OPCML: variants seen among roughly 807,000 people sequenced by gnomAD.
OPCML encodes opioid binding protein/cell adhesion molecule like.
Under a neutral mutation model 37.8 loss-of-function variants are expected in OPCML, and 13 were observed. The ratio of observed to expected loss-of-function variants is 0.34; its 90% CI spans 0.22 to 0.55. The LOEUF (loss-of-function observed/expected upper bound fraction) is 0.55, where lower values mean the gene tolerates loss of function less well. OPCML is among the 20% of genes least tolerant of loss of function. The pLI is 0.91. For missense variants in OPCML, 341 were observed against 435.6 expected (o/e 0.78, Z 1.93); for synonymous variants, 176 against 168.8 (o/e 1.04, Z -0.33).
At chr11:132,463,007 C>A (rs2096107983) in intron 4 of OPCML, among the ~76,000 whole-genome samples, 1 of 152,156 alleles carries the variant, frequency 6.6e-6, no homozygotes, top group Admixed American at 6.5e-5. Flanking sequence ...AGTGATAGAA[C>A]TTCTCCCTTA....
chr11:133,189,702 T>C (rs10894659), intron 1 of OPCML, among the ~76,000 whole-genome samples: 44,535 of 152,078 alleles, frequency 0.29, 6,928 homozygotes, highest in Middle Eastern at 0.36. Context: ...TGCTGGCCAC[T>C]TTATCACATA....
chr11:133,032,336 C>T (rs537544991), intron 1 of OPCML, among the ~76,000 whole-genome samples: 7 of 152,312 alleles, frequency 4.6e-5, no homozygotes, highest in South Asian at 2.1e-4. Context: ...CAGCACAGAA[C>T]GGTGAGGTCC....
chr11:132,710,936 G>A (rs1025500029), intron 2 of OPCML, among the ~76,000 whole-genome samples: 2 of 152,054 alleles, frequency 1.3e-5, no homozygotes, highest in African/African-American at 2.4e-5. Context: ...GGTCTGGAGA[G>A]GTTTCATAGG....
intron 2 of OPCML, among the ~76,000 whole-genome samples, chr11:132,786,543 T>C (rs1947217710): frequency 6.6e-6 from 1 of 152,196 alleles, no homozygotes; most frequent in Non-Finnish European, 1.5e-5. Context: ...CAAGTAGAGA[T>C]AATAACATTT....
intron 3 of OPCML, among the ~76,000 whole-genome samples, chr11:132,571,365 T>A (rs975722348): frequency 1.3e-5 from 2 of 152,100 alleles, no homozygotes; most frequent in South Asian, 2.1e-4. Flanking sequence ...GAGCCAACTC[T>A]CCCTAATAAA....
At chr11:132,881,872 G>C (rs553862994) in intron 2 of OPCML, among the ~76,000 whole-genome samples, 1 of 152,296 alleles carries the variant, frequency 6.6e-6, no homozygotes, top group Admixed American at 6.5e-5. Flanking sequence ...CCCTTCTCCA[G>C]ATCTGGGAAA....
At chr11:132,606,938 G>T (rs917532072) in intron 3 of OPCML, among the ~76,000 whole-genome samples, 6 of 152,142 alleles carry the variant, frequency 3.9e-5, no homozygotes, top group Non-Finnish European at 7.3e-5. Context: ...TGTAGAAATT[G>T]CTTCCCAGGG....
At chr11:133,484,270 T>C (rs930606520) in intron 1 of OPCML, among the ~76,000 whole-genome samples, 49 of 152,046 alleles carry the variant, frequency 3.2e-4, no homozygotes, top group Non-Finnish European at 5.1e-4. Context: ...AATGGGGATA[T>C]CAAAGAATAA....
chr11:132,616,621 C>A (rs73049197), intron 3 of OPCML, among the ~76,000 whole-genome samples: 4,752 of 152,238 alleles, frequency 0.031, 138 homozygotes, highest in East Asian at 0.059. Flanking sequence ...TAACACTTCT[C>A]AAAATTTTTT....
At chr11:132,476,208 A>T (rs1292624770) in intron 4 of OPCML, among the ~76,000 whole-genome samples, 1 of 152,210 alleles carries the variant, frequency 6.6e-6, no homozygotes, top group Non-Finnish European at 1.5e-5. Flanking sequence ...AGCCACCTTT[A>T]AAAAAGTGCT....
chr11:132,671,728 T>C (rs1431195686), intron 2 of OPCML, among the ~76,000 whole-genome samples: 1 of 152,016 alleles, frequency 6.6e-6, no homozygotes, highest in Non-Finnish European at 1.5e-5. Context: ...TAAGAAGCTC[T>C]GGCATGAAAA....
chr11:132,708,247 T>C (rs1944115908), intron 2 of OPCML, among the ~76,000 whole-genome samples: 1 of 152,238 alleles, frequency 6.6e-6, no homozygotes, highest in Non-Finnish European at 1.5e-5. Context: ...TATGTAACTA[T>C]AACTCTATAA....
At chr11:133,078,194 C>T (rs1948652816) in intron 1 of OPCML, among the ~76,000 whole-genome samples, 1 of 152,120 alleles carries the variant, frequency 6.6e-6, no homozygotes, top group African/African-American at 2.4e-5. Flanking sequence ...GTGGACGCAC[C>T]GAGCACGCCA....
At chr11:133,124,773 A>G (rs1398256153) in intron 1 of OPCML, among the ~76,000 whole-genome samples, 2 of 151,966 alleles carry the variant, frequency 1.3e-5, no homozygotes, top group East Asian at 3.9e-4. Context: ...CCCTCCCATC[A>G]TTTTCCTCAT....
chr11:133,087,553 C>A (rs1452481444), intron 1 of OPCML, among the ~76,000 whole-genome samples: 4 of 152,196 alleles, frequency 2.6e-5, no homozygotes, highest in Non-Finnish European at 5.9e-5. Flanking sequence ...ACCAAGTAAA[C>A]TTATAAAACA....
intron 7 of OPCML, among the ~76,000 whole-genome samples, chr11:132,425,894 T>C (rs2095976400): frequency 6.6e-6 from 1 of 152,228 alleles, no homozygotes; most frequent in Admixed American, 6.5e-5. Flanking sequence ...TCTTTCTCTA[T>C]TTATGGTTAG....
chr11:133,032,405 A>T (rs1947691325), intron 1 of OPCML, among the ~76,000 whole-genome samples: 1 of 152,126 alleles, frequency 6.6e-6, no homozygotes, highest in Non-Finnish European at 1.5e-5. Context: ...CTTCATCCAG[A>T]ATGTGTAGTC....
At chr11:132,999,577 G>GCGGGA (rs372561939) in intron 1 of OPCML, among the ~76,000 whole-genome samples, 2 of 146,584 alleles carry the variant, frequency 1.4e-5, no homozygotes, top group African/African-American at 5.4e-5. Flanking sequence ...GTCGGGGGGG[G>GCGGGA]AATGCCACCG....
chr11:132,999,025 G>A (rs1214789346), intron 1 of OPCML, among the ~76,000 whole-genome samples: 6 of 152,182 alleles, frequency 3.9e-5, no homozygotes, highest in Non-Finnish European at 7.4e-5. Flanking sequence ...CGCAGATGAG[G>A]AAACAAAAGG....
Sources: allele counts gnomAD v4.1 joint callset (sites outside exome capture counted in the v4.1 genomes callset), GRCh38; gene constraint gnomAD v4.1.1; transcripts MANE v1.5; gene names NCBI Gene and HGNC (gene_info 2026-07-23, HGNC 2026-07-21).